Variants in KCND2 observed in about 807,000 individuals in gnomAD.
KCND2 encodes A-type voltage-gated potassium channel KCND2.
A neutral mutation model predicts 54.4 loss-of-function variants in KCND2; 16 were observed. The ratio of observed to expected loss-of-function variants is 0.29; its 90% confidence interval spans 0.20 to 0.45. The LOEUF (loss-of-function observed/expected upper bound fraction) is 0.45. Ranked by LOEUF, KCND2 falls within the 20% of genes least tolerant of loss-of-function variation. The probability of loss-of-function intolerance (pLI) is 1.00; values close to 1 mark genes in which losing one functional copy is unlikely to be tolerated. For missense variants in KCND2, 486 were observed against 824.2 expected (o/e 0.59, Z 5.02); for synonymous variants, 317 against 310.7 (o/e 1.02, Z -0.21).
chr7:120,290,601 C>T (rs1648294167), intron 1 of KCND2, among the ~76,000 whole-genome samples: 2 of 151,878 alleles, frequency 1.3e-5, no homozygotes, highest in South Asian at 2.1e-4. Flanking sequence ...CTTTTCTGGA[C>T]AATCAGTGGA....
intron 1 of KCND2, among the ~76,000 whole-genome samples, chr7:120,412,849 T>A (rs772124375): frequency 3.9e-5 from 6 of 152,048 alleles, no homozygotes; most frequent in Non-Finnish European, 7.4e-5. Flanking sequence ...ATTTTAAGAT[T>A]TTTTAGGCCA....
intron 1 of KCND2, among the ~76,000 whole-genome samples, chr7:120,685,504 T>A (rs528968691): frequency 6.6e-6 from 1 of 152,148 alleles, no homozygotes; most frequent in South Asian, 2.1e-4. Context: ...GTGGCAAAAT[T>A]TGGTACTCTG....
At chr7:120,436,628 A>G (rs1370821285) in intron 1 of KCND2, among the ~76,000 whole-genome samples, 1 of 152,126 alleles carries the variant, frequency 6.6e-6, no homozygotes, top group Non-Finnish European at 1.5e-5. Flanking sequence ...TCTGTCTACA[A>G]AATGCCAGGT....
intron 2 of KCND2, among the ~76,000 whole-genome samples, chr7:120,735,293 C>T (rs1413844000): frequency 6.6e-6 from 1 of 151,970 alleles, no homozygotes; most frequent in Non-Finnish European, 1.5e-5. Context: ...GACCCCACCA[C>T]CAGGGACCTT....
chr7:120,630,034 A>G (rs543404362), intron 1 of KCND2, among the ~76,000 whole-genome samples: 42 of 142,328 alleles, frequency 3.0e-4, no homozygotes, highest in African/African-American at 1.1e-3. Flanking sequence ...ATCGTAATTA[A>G]AGGCCTAGCA....
At chr7:120,673,440 C>T (rs567444651) in intron 1 of KCND2, among the ~76,000 whole-genome samples, 1 of 152,226 alleles carries the variant, frequency 6.6e-6, no homozygotes, top group African/African-American at 2.4e-5. Context: ...AGCTTCCCAA[C>T]CAGTTTCCCA....
At chr7:120,326,113 A>G (rs1277684523) in intron 1 of KCND2, among the ~76,000 whole-genome samples, 1 of 152,106 alleles carries the variant, frequency 6.6e-6, no homozygotes, top group African/African-American at 2.4e-5. Flanking sequence ...ATATCATTGT[A>G]TAGAAATGTA....
intron 2 of KCND2, among the ~76,000 whole-genome samples, chr7:120,735,440 C>T (rs1792858666): frequency 6.6e-6 from 1 of 152,068 alleles, no homozygotes; most frequent in Non-Finnish European, 1.5e-5. Context: ...GACATTTCTC[C>T]TTTAGTATAA....
intron 1 of KCND2, among the ~76,000 whole-genome samples, chr7:120,303,827 G>T (rs1799616387): frequency 6.6e-6 from 1 of 152,100 alleles, no homozygotes; most frequent in African/African-American, 2.4e-5. Context: ...TGAATAACAG[G>T]AAAATATTGA....
Position 120,273,193 on chromosome 7 carries a change from C to A in KCND2, c.-1440C>A, listed in dbSNP as rs1232559533. Reference sequence around the variant, plus strand: ...GCCTTTCCTAACCTGCGTGGCGGGGCGTGCGCGCGGTTATTTATTTATTTT... The same window carrying A: ...GCCTTTCCTAACCTGCGTGGCGGGGAGTGCGCGCGGTTATTTATTTATTTT... On this transcript the variant is annotated 5_prime_UTR_variant, in exon 1 of 6. Coordinates refer to ENST00000331113, the MANE Select transcript of KCND2 (RefSeq NM_012281.3). 1.3e-5 allele frequency among the ~76,000 whole-genome samples: 2 copies of A among 152,128 alleles called. No homozygotes were observed. Among genetic ancestry groups the A allele is most frequent in the African/African-American group, 4.8e-5 (2 of 41,448 alleles).
intron 1 of KCND2, among the ~76,000 whole-genome samples, chr7:120,714,692 T>A (rs1454166924): frequency 3.3e-5 from 5 of 152,072 alleles, no homozygotes; most frequent in Non-Finnish European, 5.9e-5. Context: ...ATTCCTATCC[T>A]TTGGGAGTCA....
chr7:120,525,233 T>C (rs1791758515), intron 1 of KCND2, among the ~76,000 whole-genome samples: 1 of 152,162 alleles, frequency 6.6e-6, no homozygotes, highest in African/African-American at 2.4e-5. Context: ...TTCTTAGATA[T>C]TATAATTATA....
chr7:120,352,184 C>A (rs1800418985), intron 1 of KCND2, among the ~76,000 whole-genome samples: 2 of 152,112 alleles, frequency 1.3e-5, no homozygotes, highest in Middle Eastern at 3.4e-3. Flanking sequence ...GATCAACCCA[C>A]CTCAGCCTCC....
intron 1 of KCND2, among the ~76,000 whole-genome samples, chr7:120,451,677 C>G (rs1254528434): frequency 6.6e-6 from 1 of 152,160 alleles, no homozygotes; most frequent in Non-Finnish European, 1.5e-5. Context: ...ATCTTACCTC[C>G]CCTCCATGCC....
intron 1 of KCND2, among the ~76,000 whole-genome samples, chr7:120,710,152 A>T (rs1265664600): frequency 2.0e-5 from 3 of 152,170 alleles, no homozygotes; most frequent in African/African-American, 7.2e-5. Context: ...TTTTACCAAG[A>T]TAAAGATACT....
At chr7:120,330,899 A>G (rs1168512780) in intron 1 of KCND2, among the ~76,000 whole-genome samples, 1 of 152,136 alleles carries the variant, frequency 6.6e-6, no homozygotes, top group Admixed American at 6.6e-5. Flanking sequence ...CAAACTATCA[A>G]TGTTGTTAGT....
At chr7:120,547,819 G>A (rs1433117443) in intron 1 of KCND2, among the ~76,000 whole-genome samples, 4 of 151,786 alleles carry the variant, frequency 2.6e-5, no homozygotes, top group African/African-American at 9.7e-5. Flanking sequence ...ATTGACTTGA[G>A]ACTTGAGTAA....
At chr7:120,523,688 T>TAC (rs1331055851) in intron 1 of KCND2, among the ~76,000 whole-genome samples, 2,237 of 136,484 alleles carry the variant, frequency 0.016, 55 homozygotes, top group African/African-American at 0.058. Context: ...TACACAGATA[T>TAC]ACACACACAC....
chr7:120,727,670 A>G (rs958968181), intron 1 of KCND2, among the ~76,000 whole-genome samples: 1 of 152,204 alleles, frequency 6.6e-6, no homozygotes, highest in Non-Finnish European at 1.5e-5. Flanking sequence ...ATTTTTATGC[A>G]AAAGGCACTT....
Sources: allele counts gnomAD v4.1 joint callset (sites outside exome capture counted in the v4.1 genomes callset), GRCh38; gene constraint gnomAD v4.1.1; transcripts MANE v1.5; gene names NCBI Gene and HGNC (gene_info 2026-07-23, HGNC 2026-07-21).